RANBP2: variants seen among roughly 807,000 people sequenced by gnomAD.
RANBP2 encodes the protein RAN binding protein 2, also known as E3 SUMO-protein ligase RanBP2.
RANBP2 carries 57 observed loss-of-function variants against 303.6 expected under a neutral mutation model. The observed-to-expected ratio is 0.19, with a 90% confidence interval of 0.15 to 0.23. RANBP2 has a LOEUF of 0.23. Ranked by LOEUF, RANBP2 falls within the 10% of genes least tolerant of loss-of-function variation. The probability of loss-of-function intolerance (pLI) is 1.00; values close to 1 mark genes in which losing one functional copy is unlikely to be tolerated. For synonymous variants in RANBP2, 1,167 were observed against 1,301.5 expected (o/e 0.90, Z 2.23); for missense variants, 3,138 against 3,780.8 (o/e 0.83, Z 4.46).
the RANBP2 span, among the ~76,000 whole-genome samples, chr2:109,344,721 CAGG>C: frequency 4.6e-5 from 7 of 152,152 alleles, no homozygotes; most frequent in Non-Finnish European, 7.4e-5. Flanking sequence ...GTGGAGTTGG[CAGG>C]AGGAGTGCCC....
chr2:108,720,939 C>T (rs1220503426), intron 1 of RANBP2, among the ~76,000 whole-genome samples: 1 of 152,138 alleles, frequency 6.6e-6, no homozygotes, highest in Non-Finnish European at 1.5e-5. Flanking sequence ...GTCCCAGCTA[C>T]CCGGGAGGCT....
At chr2:109,401,223 C>A in the RANBP2 span, among the ~76,000 whole-genome samples, 1 of 152,328 alleles carries the variant, frequency 6.6e-6, no homozygotes, top group Middle Eastern at 3.4e-3. Flanking sequence ...TGGGGTCCCT[C>A]CTTGGCAACC....
chr2:109,194,292 T>C, the RANBP2 span, among the ~76,000 whole-genome samples: 1 of 152,248 alleles, frequency 6.6e-6, no homozygotes, highest in Admixed American at 6.5e-5. Flanking sequence ...CTTGTGTTTC[T>C]TACCTGCAGG....
chr2:109,074,326 C>G, the RANBP2 span, among the ~76,000 whole-genome samples: 1 of 150,400 alleles, frequency 6.6e-6, no homozygotes. Context: ...TGAGATTGTA[C>G]CACTGCACTC....
At chr2:109,297,770 A>G in the RANBP2 span, among the ~76,000 whole-genome samples, 1 of 140,912 alleles carries the variant, frequency 7.1e-6, no homozygotes, top group Non-Finnish European at 1.5e-5. Flanking sequence ...AGTGCCTCCC[A>G]CTCAGTCATT....
At chr2:109,400,528 C>T in the RANBP2 span, among the ~76,000 whole-genome samples, 1 of 152,054 alleles carries the variant, frequency 6.6e-6, no homozygotes, top group South Asian at 2.1e-4. Flanking sequence ...TGCACACCTG[C>T]AGATACACAT....
intron 18 of RANBP2, among the ~76,000 whole-genome samples, chr2:108,759,909 C>T (rs1195791818): frequency 6.6e-6 from 1 of 152,142 alleles, no homozygotes; most frequent in African/African-American, 2.4e-5. Flanking sequence ...CTCATTGTCT[C>T]ATTTTATTCT....
At position 108,740,577 on chromosome 2, in the gene RANBP2, A is replaced by C. The variant is rs542732311; in HGVS notation, c.871A>C (p.Met291Leu). The change falls in exon 7 of 29, where the codon ATG (methionine) becomes CTG (leucine). Residue 291 changes from methionine to leucine, a missense_variant. Transcript: ENST00000283195. ...TFLEMKGHFY[M>L]HAGSLLLKMG... ...CTTAGAAATGAAAGGACATTTCTAC[A>C]TGCATGCTGGTTCTCTGCTTTTGAA... 6.3e-7 allele frequency: 1 copy of C among 1,597,582 alleles called. No individual in the cohort carries two copies. The highest frequency in any genetic ancestry group is 2.2e-5 in the East Asian group (1 of 44,862).
chr2:108,798,409 G>A, the RANBP2 span: 1 of 1,599,480 alleles, frequency 6.3e-7, no homozygotes, highest in Non-Finnish European at 8.5e-7. Flanking sequence ...GAGCATTAAA[G>A]TCTGGCATTT....
chr2:109,622,867 C>A, the RANBP2 span, among the ~76,000 whole-genome samples: 1 of 152,174 alleles, frequency 6.6e-6, no homozygotes, highest in African/African-American at 2.4e-5. Context: ...GTGGCTCATG[C>A]CTGTAATCCC....
the RANBP2 span, among the ~76,000 whole-genome samples, chr2:109,141,129 A>T: frequency 6.6e-6 from 1 of 152,148 alleles, no homozygotes; most frequent in Non-Finnish European, 1.5e-5. Flanking sequence ...AGGTGGAAAG[A>T]TGCAACCACA....
the RANBP2 span, among the ~76,000 whole-genome samples, chr2:109,332,743 C>T: frequency 6.6e-6 from 1 of 152,196 alleles, no homozygotes. Flanking sequence ...GCAGCCACCC[C>T]GCCCCCAGGG....
chr2:109,535,170 G>C, the RANBP2 span, among the ~76,000 whole-genome samples: 6 of 152,212 alleles, frequency 3.9e-5, no homozygotes, highest in African/African-American at 1.4e-4. Flanking sequence ...AATGGACGAT[G>C]CAGACCAAAA....
chr2:109,002,801 A>G, the RANBP2 span, among the ~76,000 whole-genome samples: 2,160 of 152,268 alleles, frequency 0.014, 53 homozygotes, highest in African/African-American at 0.049. Context: ...AGTTTGCAGA[A>G]AGCTGTGTCA....
chr2:108,724,816 G>C (rs1694562908), intron 1 of RANBP2, among the ~76,000 whole-genome samples: 1 of 151,356 alleles, frequency 6.6e-6, no homozygotes, highest in East Asian at 1.9e-4. Context: ...GTATAATCGC[G>C]GCCTTCACCC....
chr2:109,383,201 G>A, the RANBP2 span, among the ~76,000 whole-genome samples: 1 of 152,352 alleles, frequency 6.6e-6, no homozygotes, highest in South Asian at 2.1e-4. Context: ...CTGGGTGCCT[G>A]TAGGATGACA....
At chr2:109,568,087 G>A in the RANBP2 span, 1 of 813,788 alleles carries the variant, frequency 1.2e-6, no homozygotes. Flanking sequence ...CCTAAACCTA[G>A]ATCGGGGGGC....
the RANBP2 span, among the ~76,000 whole-genome samples, chr2:109,211,669 G>A: frequency 2.8e-5 from 4 of 143,420 alleles, no homozygotes; most frequent in South Asian, 8.6e-4. Context: ...TTTTGAGATG[G>A]AGTCTCGCTC....
chr2:109,623,087 A>G, the RANBP2 span, among the ~76,000 whole-genome samples: 3 of 152,202 alleles, frequency 2.0e-5, no homozygotes, highest in South Asian at 6.2e-4. Context: ...AGATTGTGCC[A>G]TTGCACTCCA....
Sources: allele counts gnomAD v4.1 joint callset (sites outside exome capture counted in the v4.1 genomes callset), GRCh38; gene constraint gnomAD v4.1.1; transcripts MANE v1.5; gene names NCBI Gene and HGNC (gene_info 2026-07-23, HGNC 2026-07-21).